MMP26: variants seen among roughly 807,000 people sequenced by gnomAD.
The protein encoded by MMP26 is matrix metalloproteinase-26.
In MMP26, 33 loss-of-function variants were observed where a neutral mutation model predicts 31.0. The observed-to-expected ratio is 1.06, with a 90% CI of 0.81 to 1.42. The LOEUF (loss-of-function observed/expected upper bound fraction) is 1.42. Ranked by LOEUF, MMP26 falls within the 40% of genes most tolerant of loss-of-function variation. The pLI is 0.00. For missense variants in MMP26, 347 were observed against 316.1 expected (o/e 1.10, Z -0.74); for synonymous variants, 122 against 114.9 (o/e 1.06, Z -0.40).
At position 4,868,496 on chromosome 11, in the gene MMP26, G is replaced by A. The variant is rs1850267182; in HGVS notation, c.-145+101155G>A. On this transcript the variant is annotated intron_variant, in intron 2 of 7. Coordinates refer to ENST00000380390, the MANE Select transcript of MMP26 (RefSeq NM_021801.5). Reference sequence around the variant, plus strand: ...GCTTCAAAGAGAATAAAATACCTAGGAATCCAACTTACAAGGGATGTGAAA... The same window carrying A: ...GCTTCAAAGAGAATAAAATACCTAGAAATCCAACTTACAAGGGATGTGAAA... Among the ~76,000 whole-genome samples the A allele has an allele frequency of 2.0e-5, 3 of 152,156 alleles. No individual in the cohort carries two copies. In the South Asian group the frequency reaches 6.2e-4, roughly 32 times the overall value.
intron 1 of MMP26, among the ~76,000 whole-genome samples, chr11:4,715,884 C>G (rs1170874016): frequency 6.6e-6 from 1 of 152,128 alleles, no homozygotes; most frequent in Non-Finnish European, 1.5e-5. Context: ...AAGGATTTAA[C>G]AGATGTAACT....
chr11:4,962,983 C>T (rs1338677774), intron 2 of MMP26, among the ~76,000 whole-genome samples: 1 of 152,156 alleles, frequency 6.6e-6, no homozygotes, highest in Non-Finnish European at 1.5e-5. Flanking sequence ...AAGAATTTAT[C>T]CTCATCTGCC....
rs572516456 is a variant in MMP26, at chr11:4,898,473, G to C, written c.-144-89595G>C. On this transcript the variant is annotated intron_variant, in intron 2 of 7. Coordinates refer to ENST00000380390, the MANE Select transcript of MMP26 (RefSeq NM_021801.5). ...AAAGGGCTCATTCCTCTGAGTTTCA[G>C]TTTAAGTCTTTCTTGTACCTACTAT... is the stretch of plus-strand genomic sequence containing the variant. 1.8e-4 allele frequency among the ~76,000 whole-genome samples: 27 copies of C among 152,158 alleles called. 2 individuals are homozygous for C. In the South Asian group the frequency reaches 5.2e-3, roughly 29 times the overall value.
intron 2 of MMP26, among the ~76,000 whole-genome samples, chr11:4,890,816 A>T (rs951589081): frequency 1.3e-5 from 2 of 151,994 alleles, no homozygotes; most frequent in Non-Finnish European, 2.9e-5. Context: ...GTACTTGCAT[A>T]CATCCCTGTT....
intron 2 of MMP26, among the ~76,000 whole-genome samples, chr11:4,858,667 A>C (rs572223119): frequency 6.6e-6 from 1 of 152,348 alleles, no homozygotes; most frequent in African/African-American, 2.4e-5. Context: ...TTATAGATTC[A>C]ATGCCATCCC....
intron 2 of MMP26, among the ~76,000 whole-genome samples, chr11:4,789,718 T>G (rs1288802371): frequency 6.6e-6 from 1 of 151,360 alleles, no homozygotes; most frequent in African/African-American, 2.4e-5. Flanking sequence ...TTTTTTGTAT[T>G]TTTAGTAGAG....
At chr11:4,908,133 T>A in intron 2 of MMP26, 1 of 1,614,196 alleles carries the variant, frequency 6.2e-7, no homozygotes, top group Non-Finnish European at 8.5e-7. Flanking sequence ...GTGCCCATCA[T>A]CACCCTGGCT....
At chr11:4,933,526 TG>T (rs1191487536) in intron 2 of MMP26, among the ~76,000 whole-genome samples, 3 of 128,652 alleles carry the variant, frequency 2.3e-5, no homozygotes, top group Non-Finnish European at 5.0e-5. Flanking sequence ...TTATTTTTTT[TG>T]TTTTTTTTTT....
chr11:4,969,113 A>G (rs1846633193), intron 2 of MMP26, among the ~76,000 whole-genome samples: 2 of 152,018 alleles, frequency 1.3e-5, no homozygotes, highest in African/African-American at 4.8e-5. Flanking sequence ...ATAACAGAAA[A>G]TAGACAAATG....
chr11:4,850,892 T>A (rs1849966660), intron 2 of MMP26, among the ~76,000 whole-genome samples: 1 of 146,122 alleles, frequency 6.8e-6, no homozygotes, highest in Admixed American at 7.0e-5. Flanking sequence ...AATACATATG[T>A]TATAAAATAT....
chr11:4,721,463 G>C (rs1388824612), intron 1 of MMP26, among the ~76,000 whole-genome samples: 1 of 152,014 alleles, frequency 6.6e-6, no homozygotes, highest in Non-Finnish European at 1.5e-5. Context: ...ACCACTTCAG[G>C]TCTCCTGTGC....
At chr11:4,710,772 C>A in intron 1 of MMP26, 1 of 209,510 alleles carries the variant, frequency 4.8e-6, no homozygotes, top group Non-Finnish European at 9.8e-6. Flanking sequence ...TGTCTGAAAG[C>A]ATGCACAAGT....
chr11:4,824,402 C>T (rs1002926661), intron 2 of MMP26, among the ~76,000 whole-genome samples: 2 of 152,104 alleles, frequency 1.3e-5, no homozygotes, highest in Admixed American at 6.6e-5. Context: ...ATTATACACA[C>T]TTATACGATT....
intron 2 of MMP26, among the ~76,000 whole-genome samples, chr11:4,930,516 C>T (rs145821932): frequency 6.6e-6 from 1 of 152,172 alleles, no homozygotes; most frequent in Non-Finnish European, 1.5e-5. Flanking sequence ...TTACCATCTC[C>T]GAATCATGGT....
chr11:4,876,493 C>T (rs1216658486), intron 2 of MMP26: 2 of 152,084 alleles, frequency 1.3e-5, no homozygotes, highest in East Asian at 3.9e-4. Context: ...TTACTGATTC[C>T]AGTTGAAGTC....
At chr11:4,943,802 C>T (rs189909258) in intron 2 of MMP26, 2 of 428,286 alleles carry the variant, frequency 4.7e-6, no homozygotes, top group East Asian at 7.1e-5. Context: ...ATCTTCACCT[C>T]CCCCATTGAG....
chr11:4,710,121 G>A (rs944782313), intron 1 of MMP26: 2 of 456,762 alleles, frequency 4.4e-6, no homozygotes, highest in Admixed American at 2.3e-5. Flanking sequence ...CTTCCACCCT[G>A]ATGCGATGAA....
chr11:4,888,835 TTC>T (rs1298394902), intron 2 of MMP26, among the ~76,000 whole-genome samples: 1 of 152,166 alleles, frequency 6.6e-6, no homozygotes, highest in Non-Finnish European at 1.5e-5. Flanking sequence ...AAATCAACTA[TTC>T]ACACAAAATT....
intron 2 of MMP26, among the ~76,000 whole-genome samples, chr11:4,805,433 T>G (rs551310466): frequency 3.4e-4 from 52 of 152,358 alleles, no homozygotes; most frequent in Middle Eastern, 3.4e-3. Flanking sequence ...AGTGTGAAAG[T>G]AACCATAGTC....
Sources: allele counts gnomAD v4.1 joint callset (sites outside exome capture counted in the v4.1 genomes callset), GRCh38; gene constraint gnomAD v4.1.1; transcripts MANE v1.5; gene names NCBI Gene and HGNC (gene_info 2026-07-23, HGNC 2026-07-21).